The following CLGN variants were observed in gnomAD, a reference collection of about 807,000 sequenced individuals.
CLGN encodes the protein testis tissue sperm-binding protein Li 79P.
In CLGN, 62 loss-of-function variants were observed where a neutral mutation model predicts 79.1. The ratio of observed to expected loss-of-function variants is 0.78; its 90% CI spans 0.64 to 0.97. The LOEUF (loss-of-function observed/expected upper bound fraction) is 0.97. Ranked by LOEUF, CLGN falls within the 50% of genes least tolerant of loss-of-function variation. The pLI is 0.00. For missense variants in CLGN, 647 were observed against 715.5 expected (o/e 0.90, Z 1.09); for synonymous variants, 225 against 224.7 (o/e 1.00, Z -0.01).
chr4:140,396,932 T>TAC, intron 8 of CLGN, among the ~76,000 whole-genome samples: 1 of 143,410 alleles, frequency 7.0e-6, no homozygotes, highest in Non-Finnish European at 1.5e-5. Context: ...TACACATATA[T>TAC]ATATATACAC....
intron 4 of CLGN, among the ~76,000 whole-genome samples, chr4:140,407,397 T>G (rs1729128503): frequency 6.6e-6 from 1 of 152,098 alleles, no homozygotes; most frequent in African/African-American, 2.4e-5. Context: ...TATCACTGTT[T>G]GCTAATGATA....
intron 4 of CLGN, among the ~76,000 whole-genome samples, chr4:140,407,227 T>A (rs1244220630): frequency 6.6e-6 from 1 of 152,128 alleles, no homozygotes; most frequent in African/African-American, 2.4e-5. Flanking sequence ...TTCTCTCACA[T>A]TGATGGTGAA....
intron 1 of CLGN, among the ~76,000 whole-genome samples, chr4:140,414,993 G>C (rs1490515197): frequency 6.6e-6 from 1 of 151,650 alleles, no homozygotes; most frequent in Non-Finnish European, 1.5e-5. Flanking sequence ...CAGACTAACA[G>C]CGGATCTCTC....
intron 1 of CLGN, among the ~76,000 whole-genome samples, chr4:140,414,076 C>T (rs1446956158): frequency 6.6e-6 from 1 of 152,248 alleles, no homozygotes; most frequent in African/African-American, 2.4e-5. Flanking sequence ...GGAGGCACCC[C>T]CCAGCAGGGG....
At chr4:140,403,418 A>AT (rs1334165931) in intron 5 of CLGN, among the ~76,000 whole-genome samples, 2 of 152,242 alleles carry the variant, frequency 1.3e-5, no homozygotes, top group African/African-American at 4.8e-5. Context: ...GTTCTTTTTC[A>AT]TTTTTTAAAT....
chr4:140,391,646 C>T (rs1048168945), intron 13 of CLGN, among the ~76,000 whole-genome samples: 1 of 151,790 alleles, frequency 6.6e-6, no homozygotes, highest in Non-Finnish European at 1.5e-5. Context: ...TTATTTCTAC[C>T]TTATGTAAGG....
chr4:140,418,063 C>T (rs1314961326), intron 1 of CLGN, among the ~76,000 whole-genome samples: 7 of 151,834 alleles, frequency 4.6e-5, no homozygotes, highest in Admixed American at 3.3e-4. Flanking sequence ...CTACAACTAT[C>T]TGATCTTTGA....
chr4:140,394,008 C>T lies in CLGN; in HGVS notation c.1183G>A (p.Asp395Asn). The T allele has an allele frequency of 6.2e-7, 1 of 1,613,428 alleles. No individual in the cohort carries two copies. ...AATGGATGATCATCTTCGAAATAAT[C>T]TGGATTAGGAATTTTTCGAGGACTC... The part of the protein sequence containing the change: ...IWSPRKIPNP[D>N]YFEDDHPFLL... The change falls in exon 11 of 15, where the codon GAT becomes AAT. Residue 395 changes from aspartate to asparagine, a missense_variant. By Grantham distance (23) the Asp-to-Asn change is conservative. Coordinates refer to ENST00000325617, the MANE Select transcript of CLGN (RefSeq NM_004362.3).
rs1013020075 is a variant in CLGN at position 140,405,888 on chromosome 4, G to T, written c.419+54C>A. ...TTCAAAATACAAGCTATATTCAGAA[G>T]CCAAAGCTAATACAAAATTCAGAAA... On this transcript the variant is annotated intron_variant, in intron 5 of 14. Coordinates refer to ENST00000325617, the MANE Select transcript of CLGN (RefSeq NM_004362.3). 3.2e-6 allele frequency: 5 copies of T among 1,542,962 alleles called. No homozygotes were observed. In the Admixed American group the frequency reaches 1.0e-4, roughly 32 times the overall value.
intron 8 of CLGN, 90 bp downstream of exon 8, chr4:140,398,761 A>C (rs1296048265): frequency 2.6e-6 from 3 of 1,149,386 alleles, no homozygotes; most frequent in Non-Finnish European, 3.8e-6. Context: ...GTTTAAAAAA[A>C]TAAACTTCAT....
chr4:140,392,719 C>T lies in CLGN; in HGVS notation c.1366-8G>A, dbSNP rs358330. ...CTGTTTTAATACACCAGGCTATAGACGAGATAAGCATAAAAATGCAATTCA... is the reference window on the plus strand; with the variant it reads ...CTGTTTTAATACACCAGGCTATAGATGAGATAAGCATAAAAATGCAATTCA... On this transcript the variant is annotated splice_region_variant and splice_polypyrimidine_tract_variant and intron_variant, in intron 11 of 14. Transcript: ENST00000325617. 67,715 of 1,562,488 alleles carry T rather than the reference C, an allele frequency of 0.043. 1,903 individuals carry two copies. Among genetic ancestry groups the T allele is most frequent in the Middle Eastern group, 0.11 (622 of 5,840 alleles).
chr4:140,414,825 G>A (rs1159127572), intron 1 of CLGN, among the ~76,000 whole-genome samples: 15 of 150,440 alleles, frequency 1.0e-4, no homozygotes, highest in East Asian at 7.8e-4. Context: ...GCAGGCCAAC[G>A]TTCAGATTCA....
intron 6 of CLGN, among the ~76,000 whole-genome samples, chr4:140,401,706 T>C (rs1005694951): frequency 2.0e-5 from 3 of 152,188 alleles, no homozygotes; most frequent in African/African-American, 7.2e-5. Flanking sequence ...CTCTAAGCTA[T>C]ATTTCAAAAG....
At chr4:140,404,611 A>G (rs1196205556) in intron 5 of CLGN, among the ~76,000 whole-genome samples, 1 of 152,014 alleles carries the variant, frequency 6.6e-6, no homozygotes, top group Non-Finnish European at 1.5e-5. Context: ...TTGTTTTTAA[A>G]CATATGAAAG....
chr4:140,399,932 G>T (rs1728967015), intron 7 of CLGN, among the ~76,000 whole-genome samples: 2 of 152,152 alleles, frequency 1.3e-5, no homozygotes, highest in Admixed American at 6.5e-5. Flanking sequence ...AAACTTTTTA[G>T]TCTGGCATTA....
intron 10 of CLGN, among the ~76,000 whole-genome samples, chr4:140,395,158 T>G (rs1257247859): frequency 2.2e-5 from 2 of 89,864 alleles, no homozygotes; most frequent in East Asian, 5.7e-4. Flanking sequence ...TTTGTTTTTT[T>G]GTTTTTTTGT....
chr4:140,413,983 G>A (rs1296353136), intron 1 of CLGN, among the ~76,000 whole-genome samples: 1 of 152,220 alleles, frequency 6.6e-6, no homozygotes, highest in South Asian at 2.1e-4. Context: ...GAGAGCAGTG[G>A]TTCTCCCAGC....
At chr4:140,416,657 T>C (rs1052834847) in intron 1 of CLGN, among the ~76,000 whole-genome samples, 4 of 151,122 alleles carry the variant, frequency 2.6e-5, no homozygotes, top group Admixed American at 2.6e-4. Context: ...CAGGAAGAAG[T>C]TGAATCTCTG....
At position 140,395,954 on chromosome 4, in the gene CLGN, A is replaced by G. The variant is rs753110786; in HGVS notation, c.1014T>C (p.Asp338=). 1 of 1,599,326 alleles carries G rather than the reference A, an allele frequency of 6.3e-7. No individual in the cohort carries two copies. Among genetic ancestry groups the G allele is most frequent in the South Asian group, 1.1e-5 (1 of 87,340 alleles). The change falls in exon 10 of 15, where the codon GAT becomes GAC. Residue 338 remains aspartate, a synonymous_variant. Transcript: ENST00000325617. ...GAATCTGAGGTGCCTCCCATTCTCC[A>G]TCCGTGTCTTCATTCCTTAGGATAT... ...EKPDDWNEDT[D]GEWEAPQILN...
Sources: gnomAD v4.1 joint callset for allele counts (sites outside exome capture counted in the v4.1 genomes callset) on GRCh38, gnomAD v4.1.1 for gene constraint, MANE v1.5 for transcripts, NCBI Gene and HGNC (gene_info 2026-07-23, HGNC 2026-07-21) for gene names.